OLFM3: variants seen among roughly 807,000 people sequenced by gnomAD.
OLFM3 encodes olfactomedin 3, also known as noelin-3.
OLFM3 carries 20 observed loss-of-function variants against 48.6 expected under a neutral mutation model. The observed-to-expected ratio is 0.41, with a 90% confidence interval of 0.29 to 0.60. The LOEUF is 0.60. OLFM3 is among the 20% of genes least tolerant of loss of function. The probability of loss-of-function intolerance (pLI) is 0.28; values close to 1 mark genes in which losing one functional copy is unlikely to be tolerated. For synonymous variants in OLFM3, 222 were observed against 198.1 expected (o/e 1.12, Z -1.01); for missense variants, 437 against 544.3 (o/e 0.80, Z 1.96).
intron 4 of OLFM3, among the ~76,000 whole-genome samples, chr1:101,821,281 T>C (rs1654595361): frequency 1.3e-5 from 2 of 152,090 alleles, no homozygotes; most frequent in African/African-American, 4.8e-5. Context: ...CCTACTGCTA[T>C]ACTAAAAGTT....
Position 101,804,353 on chromosome 1 carries a change from A to G in OLFM3, c.1262T>C (p.Ile421Thr), listed in dbSNP as rs1303049752. 1 of 1,612,472 alleles carries G rather than the reference A, an allele frequency of 6.2e-7. No homozygotes were observed. Among genetic ancestry groups the G allele is most frequent in the Admixed American group, 1.7e-5 (1 of 59,894 alleles). Residue 421 changes from isoleucine to threonine, a missense_variant, in exon 6 of 6, where the codon ATA (isoleucine) becomes ACA (threonine). Ile to Thr is a moderately conservative substitution (Grantham distance 89). This residue lies in a region of OLFM3 where 108 missense variants were observed against 135.8 expected (regional missense o/e 0.80). Coordinates refer to ENST00000370103, the MANE Select transcript of OLFM3 (RefSeq NM_058170.4). This position sits in a 1 kb window ranked among gnomAD's most constrained non-coding sequence, Gnocchi z 4.5. ...TCTTGCATTGTAGTCAAGCATGGATATGTGAAAGTATTGGTTATGGAAGGG... is the reference window on the plus strand; with the variant it reads ...TCTTGCATTGTAGTCAAGCATGGATGTGTGAAAGTATTGGTTATGGAAGGG... The part of the protein sequence containing the change: ...DIPFHNQYFH[I>T]SMLDYNARDR...
At chr1:101,914,362 A>G (rs573055731) in intron 1 of OLFM3, among the ~76,000 whole-genome samples, 1 of 152,290 alleles carries the variant, frequency 6.6e-6, no homozygotes, top group Admixed American at 6.5e-5. Context: ...TCCGCCAGTA[A>G]CTGGGAGCAT....
intron 3 of OLFM3, among the ~76,000 whole-genome samples, chr1:101,828,097 A>T (rs1036682083): frequency 7.8e-6 from 1 of 128,520 alleles, no homozygotes; most frequent in African/African-American, 2.9e-5. Flanking sequence ...CCTTGTGAAG[A>T]AGGTGACTGC....
chr1:101,937,189 C>T (rs11587732), intron 1 of OLFM3, among the ~76,000 whole-genome samples: 10,613 of 152,158 alleles, frequency 0.07, 442 homozygotes, highest in South Asian at 0.14. Context: ...CCCCAAAATC[C>T]TTAAAGGGCT....
intron 1 of OLFM3, among the ~76,000 whole-genome samples, chr1:101,902,170 G>C (rs962103981): frequency 6.6e-6 from 1 of 152,010 alleles, no homozygotes; most frequent in African/African-American, 2.4e-5. Flanking sequence ...TGACGTGGAA[G>C]CCAAATAGGG....
At chr1:101,917,154 A>G (rs958202655) in intron 1 of OLFM3, among the ~76,000 whole-genome samples, 1 of 152,126 alleles carries the variant, frequency 6.6e-6, no homozygotes, top group African/African-American at 2.4e-5. Flanking sequence ...AGGTCAGAAT[A>G]TTTTAGAGTT....
intron 1 of OLFM3, among the ~76,000 whole-genome samples, chr1:101,971,494 GC>G (rs1399676106): frequency 6.6e-6 from 1 of 152,186 alleles, no homozygotes; most frequent in East Asian, 1.9e-4. Context: ...TCTGAGAACA[GC>G]CCCACCTGTT....
chr1:101,883,549 C>A (rs1570594450), intron 1 of OLFM3, among the ~76,000 whole-genome samples: 2 of 151,918 alleles, frequency 1.3e-5, no homozygotes, highest in South Asian at 2.1e-4. Flanking sequence ...CTGTGACATA[C>A]CCTTAATGTC....
At chr1:101,853,161 A>T (rs1162307394) in intron 1 of OLFM3, among the ~76,000 whole-genome samples, 1 of 151,976 alleles carries the variant, frequency 6.6e-6, no homozygotes, top group Non-Finnish European at 1.5e-5. Context: ...GCCTCCTCTT[A>T]TCACTCTGAT....
At chr1:101,852,901 G>A (rs1444840379) in intron 1 of OLFM3, among the ~76,000 whole-genome samples, 1 of 151,940 alleles carries the variant, frequency 6.6e-6, no homozygotes. Flanking sequence ...CAACATTCAA[G>A]TATTTTGTAC....
intron 1 of OLFM3, among the ~76,000 whole-genome samples, chr1:101,875,959 T>A (rs1371441174): frequency 6.6e-6 from 1 of 152,070 alleles, no homozygotes; most frequent in Non-Finnish European, 1.5e-5. Flanking sequence ...ACTATTTACA[T>A]AAATGACTGG....
chr1:101,898,965 G>A (rs1243288099), intron 1 of OLFM3, among the ~76,000 whole-genome samples: 1 of 152,158 alleles, frequency 6.6e-6, no homozygotes, highest in East Asian at 1.9e-4. Flanking sequence ...GTGGCATGCA[G>A]TACACAGAAA....
At chr1:101,912,822 T>C (rs1259970007) in intron 1 of OLFM3, among the ~76,000 whole-genome samples, 3 of 152,172 alleles carry the variant, frequency 2.0e-5, no homozygotes, top group Admixed American at 6.5e-5. Flanking sequence ...AAAATTGCTA[T>C]AAATTTAATG....
intron 1 of OLFM3, among the ~76,000 whole-genome samples, chr1:101,887,660 A>G (rs12137585): frequency 0.12 from 17,827 of 152,032 alleles, 1,443 homozygotes; most frequent in Middle Eastern, 0.19. Flanking sequence ...ATCTTGGAAA[A>G]TACTTACTTT....
intron 1 of OLFM3, among the ~76,000 whole-genome samples, chr1:101,920,118 T>C (rs1411443486): frequency 6.6e-6 from 1 of 152,210 alleles, no homozygotes; most frequent in African/African-American, 2.4e-5. Flanking sequence ...CTTAGATTAT[T>C]TCCCTGATTT....
chr1:101,837,873 A>T (rs1655511975), intron 1 of OLFM3: 1 of 152,056 alleles, frequency 6.6e-6, no homozygotes, highest in African/African-American at 2.4e-5. Flanking sequence ...TAAACCATGA[A>T]TTTATTCAGC....
intron 1 of OLFM3, among the ~76,000 whole-genome samples, chr1:101,963,131 G>T (rs1251697488): frequency 6.6e-6 from 1 of 152,154 alleles, no homozygotes; most frequent in Admixed American, 6.5e-5. Flanking sequence ...TTCTGCTGGG[G>T]TCTCTTCAAT....
At chr1:101,920,776 A>G (rs1293781507) in intron 1 of OLFM3, among the ~76,000 whole-genome samples, 2 of 152,208 alleles carry the variant, frequency 1.3e-5, no homozygotes, top group Admixed American at 1.3e-4. Flanking sequence ...TAAACAATAG[A>G]GACCCATTCC....
intron 1 of OLFM3, among the ~76,000 whole-genome samples, chr1:101,877,215 T>C (rs963966183): frequency 6.6e-6 from 1 of 151,960 alleles, no homozygotes; most frequent in Non-Finnish European, 1.5e-5. Context: ...GATTCGCAAG[T>C]TGAAACTTTT....
Sources: gnomAD v4.1 joint callset for allele counts (sites outside exome capture counted in the v4.1 genomes callset) on GRCh38, gnomAD v4.1.1 for gene constraint, gnomAD v4.1.1 regional missense constraint, Gnocchi (gnomAD v3.1) non-coding constraint, MANE v1.5 for transcripts, NCBI Gene and HGNC (gene_info 2026-07-23, HGNC 2026-07-21) for gene names.